The following EXT1 variants were observed in gnomAD, a reference collection of about 807,000 sequenced individuals.
EXT1 encodes exostosin-1.
Under a neutral mutation model 82.5 loss-of-function variants are expected in EXT1, and 20 were observed. The ratio of observed to expected loss-of-function variants is 0.24; its 90% CI spans 0.17 to 0.35. The LOEUF is 0.35. EXT1 is among the 10% of genes least tolerant of loss of function. The probability of loss-of-function intolerance (pLI) is 1.00; values close to 1 mark genes in which losing one functional copy is unlikely to be tolerated. For synonymous variants in EXT1, 348 were observed against 350.8 expected (o/e 0.99, Z 0.09); for missense variants, 757 against 936.5 (o/e 0.81, Z 2.50).
At chr8:118,015,663 A>T (rs1413259904) in intron 1 of EXT1, among the ~76,000 whole-genome samples, 1 of 152,174 alleles carries the variant, frequency 6.6e-6, no homozygotes, top group Non-Finnish European at 1.5e-5. Flanking sequence ...ATCTAAACTA[A>T]GAAGGGGGTA....
At chr8:117,949,692 G>C (rs1814455512) in intron 1 of EXT1, among the ~76,000 whole-genome samples, 1 of 151,728 alleles carries the variant, frequency 6.6e-6, no homozygotes, top group East Asian at 1.9e-4. Flanking sequence ...ATAAAACCTG[G>C]TAATAAAGAG....
Position 117,968,593 on chromosome 8 carries a change from G to A in EXT1, c.963-131392C>T, listed in dbSNP as rs1319172116. ...TTTTTTTTTTTTTTTTTTTTGAGAC[G>A]GAGTCTCACTCTGTCACCCAGGCTG... On this transcript the variant is annotated intron_variant, in intron 1 of 10. Coordinates refer to ENST00000378204, the MANE Select transcript of EXT1 (RefSeq NM_000127.3). Among the ~76,000 whole-genome samples, 5 of 44,916 alleles carry A rather than the reference G, an allele frequency of 1.1e-4. 2 individuals are homozygous for A. In the African/African-American group the frequency reaches 1.4e-3, roughly 12 times the overall value. The allele number at this position is 44,916 out of a possible 152,430, so 29.5% of individuals were successfully genotyped here.
At chr8:118,085,370 G>A (rs1586264503) in intron 1 of EXT1, among the ~76,000 whole-genome samples, 1 of 152,196 alleles carries the variant, frequency 6.6e-6, no homozygotes, top group Non-Finnish European at 1.5e-5. Context: ...TTAGGCGTGG[G>A]GGACAACAAT....
At chr8:117,813,665 T>C (rs1823371738) in intron 7 of EXT1, among the ~76,000 whole-genome samples, 1 of 152,180 alleles carries the variant, frequency 6.6e-6, no homozygotes, top group African/African-American at 2.4e-5. Context: ...AAAGGTAATA[T>C]TAAAGTTACA....
At chr8:117,992,699 A>T (rs1451104574) in intron 1 of EXT1, among the ~76,000 whole-genome samples, 1 of 152,154 alleles carries the variant, frequency 6.6e-6, no homozygotes, top group Non-Finnish European at 1.5e-5. Flanking sequence ...CCGACAAGAC[A>T]AGCAACACAA....
intron 1 of EXT1, among the ~76,000 whole-genome samples, chr8:118,011,918 G>A (rs551393494): frequency 6.6e-6 from 1 of 152,260 alleles, no homozygotes; most frequent in East Asian, 1.9e-4. Context: ...GTCATCGCAG[G>A]CAGAGTCCTA....
At chr8:117,934,626 C>T (rs1814124118) in intron 1 of EXT1, among the ~76,000 whole-genome samples, 2 of 152,232 alleles carry the variant, frequency 1.3e-5, no homozygotes, top group African/African-American at 4.8e-5. Flanking sequence ...TGCCTTTCAG[C>T]TTCTGGCTAG....
At chr8:117,876,599 T>C (rs1174528594) in intron 1 of EXT1, among the ~76,000 whole-genome samples, 1 of 152,186 alleles carries the variant, frequency 6.6e-6, no homozygotes, top group Non-Finnish European at 1.5e-5. Flanking sequence ...GGTAAGGACG[T>C]AGGATAAAAT....
chr8:117,933,628 G>A (rs1182684329), intron 1 of EXT1, among the ~76,000 whole-genome samples: 1 of 152,150 alleles, frequency 6.6e-6, no homozygotes, highest in Non-Finnish European at 1.5e-5. Flanking sequence ...TAAGCACCGT[G>A]AGTACTGGGA....
chr8:117,960,992 G>T (rs1372748954), intron 1 of EXT1, among the ~76,000 whole-genome samples: 1 of 152,158 alleles, frequency 6.6e-6, no homozygotes, highest in Non-Finnish European at 1.5e-5. Flanking sequence ...GCAATACTCT[G>T]CGCAAGAGTC....
At chr8:117,873,520 A>G (rs1812912637) in intron 1 of EXT1, among the ~76,000 whole-genome samples, 1 of 128,806 alleles carries the variant, frequency 7.8e-6, no homozygotes, top group African/African-American at 3.0e-5. Flanking sequence ...CAGTGATGTG[A>G]TCTCGGCTCA....
chr8:117,978,686 T>C (rs1815119478), intron 1 of EXT1, among the ~76,000 whole-genome samples: 1 of 152,238 alleles, frequency 6.6e-6, no homozygotes, highest in Non-Finnish European at 1.5e-5. Context: ...CTCACGCTTT[T>C]AGTTTTGACC....
intron 1 of EXT1, among the ~76,000 whole-genome samples, chr8:117,923,083 G>C (rs754733389): frequency 6.6e-6 from 1 of 152,062 alleles, no homozygotes; most frequent in Non-Finnish European, 1.5e-5. Flanking sequence ...CCAGCACTTT[G>C]GGAGGCCGAG....
At chr8:117,935,094 A>G (rs1336672271) in intron 1 of EXT1, among the ~76,000 whole-genome samples, 1 of 152,110 alleles carries the variant, frequency 6.6e-6, no homozygotes, top group Non-Finnish European at 1.5e-5. Context: ...CTTATCTCTA[A>G]AATGAGGACA....
chr8:117,913,283 G>C (rs1212373775), intron 1 of EXT1, among the ~76,000 whole-genome samples: 1 of 152,028 alleles, frequency 6.6e-6, no homozygotes, highest in Non-Finnish European at 1.5e-5. Flanking sequence ...GGTTCCCCTA[G>C]CTTCCCTGTC....
chr8:117,881,951 C>T (rs28445582), intron 1 of EXT1, among the ~76,000 whole-genome samples: 3,469 of 152,252 alleles, frequency 0.023, 143 homozygotes, highest in African/African-American at 0.08. Context: ...CTTCTACAGA[C>T]GTTATTCTGG....
At chr8:117,968,545 A>ATTTTTTTTTTTT (rs1814870229) in intron 1 of EXT1, among the ~76,000 whole-genome samples, 6 of 73,052 alleles carry the variant, frequency 8.2e-5, no homozygotes, top group Non-Finnish European at 1.4e-4. Flanking sequence ...TTATTTATTT[A>ATTTTTTTTTTTT]TTTATTTATT....
At chr8:117,958,923 C>T (rs1563613170) in intron 1 of EXT1, among the ~76,000 whole-genome samples, 1 of 152,194 alleles carries the variant, frequency 6.6e-6, no homozygotes, top group Non-Finnish European at 1.5e-5. Flanking sequence ...CCATTTTACT[C>T]CACATGCAAA....
At chr8:117,815,165 C>G (rs555168464) in intron 7 of EXT1, among the ~76,000 whole-genome samples, 1 of 152,360 alleles carries the variant, frequency 6.6e-6, no homozygotes, top group East Asian at 1.9e-4. Context: ...CTGACTAACG[C>G]AGAAACCATT....
Sources: allele counts gnomAD v4.1 joint callset (sites outside exome capture counted in the v4.1 genomes callset), GRCh38; gene constraint gnomAD v4.1.1; transcripts MANE v1.5; gene names NCBI Gene and HGNC (gene_info 2026-07-23, HGNC 2026-07-21).